STRBP: variants seen among roughly 807,000 people sequenced by gnomAD.
STRBP encodes the protein spermatid perinuclear RNA-binding protein.
A neutral mutation model predicts 80.1 loss-of-function variants in STRBP; 13 were observed. That is an observed-to-expected ratio of 0.16 (90% CI 0.11 to 0.26). The LOEUF (loss-of-function observed/expected upper bound fraction) is 0.26, where lower values mean the gene tolerates loss of function less well. Ranked by LOEUF, STRBP falls within the 10% of genes least tolerant of loss-of-function variation. The probability of loss-of-function intolerance (pLI) is 1.00; values close to 1 mark genes in which losing one functional copy is unlikely to be tolerated. For synonymous variants in STRBP, 284 were observed against 291.2 expected (o/e 0.98, Z 0.25); for missense variants, 485 against 815.2 (o/e 0.59, Z 4.93).
At chr9:123,129,422 G>A (rs894672402) in intron 17 of STRBP, among the ~76,000 whole-genome samples, 1 of 152,068 alleles carries the variant, frequency 6.6e-6, no homozygotes, top group Non-Finnish European at 1.5e-5. Flanking sequence ...AGTAGAACAA[G>A]GGCACAAAAT....
rs185943495 is a variant in STRBP, at chr9:123,190,542, G to A, written c.-164-6244C>T. Among the ~76,000 whole-genome samples the A allele has an allele frequency of 1.2e-4, 18 of 151,494 alleles. No homozygotes were observed. In the East Asian group the frequency reaches 1.7e-3, roughly 15 times the overall value. ...ATAGCTAATATAAAATCCTCACCTA[G>A]TTCCAAATTCCGGCTATTCCTCCTT... is the stretch of plus-strand genomic sequence containing the variant. On this transcript the variant is annotated intron_variant, in intron 2 of 18. Transcript: ENST00000348403.
chr9:123,243,333 T>G (rs988895567), intron 1 of STRBP, among the ~76,000 whole-genome samples: 1 of 151,414 alleles, frequency 6.6e-6, no homozygotes, highest in East Asian at 1.9e-4. Flanking sequence ...AAAACCTAAT[T>G]TGAAATGAAT....
At chr9:123,267,415 GCCCCAATGAACTTCCCCCTTCCA>G (rs1349954488) in intron 1 of STRBP, among the ~76,000 whole-genome samples, 8 of 150,332 alleles carry the variant, frequency 5.3e-5, no homozygotes, top group Non-Finnish European at 8.9e-5. Context: ...CTAAGTCTCT[GCCCCAATGAACTTCCCCCTTCCA>G]CCCCATACTC....
intron 2 of STRBP, among the ~76,000 whole-genome samples, chr9:123,205,837 A>G (rs562908115): frequency 9.9e-5 from 15 of 152,230 alleles, no homozygotes; most frequent in East Asian, 1.9e-4. Context: ...GAACAATTCA[A>G]TATCTTTGGC....
chr9:123,200,786 T>C (rs935427954), intron 2 of STRBP, among the ~76,000 whole-genome samples: 4 of 135,244 alleles, frequency 3.0e-5, no homozygotes, highest in African/African-American at 1.1e-4. Context: ...TTTCACCATG[T>C]TAGCCAGGAT....
intron 1 of STRBP, among the ~76,000 whole-genome samples, chr9:123,259,761 C>G (rs2132651287): frequency 6.6e-6 from 1 of 152,060 alleles, no homozygotes; most frequent in South Asian, 2.1e-4. Context: ...CGAGGCAGTC[C>G]AATATTAAGA....
chr9:123,136,187 A>G lies in STRBP; in HGVS notation c.1633-6T>C, dbSNP rs1182514204. 1 of 1,614,034 alleles carries G rather than the reference A, an allele frequency of 6.2e-7. No individual in the cohort carries two copies. The highest frequency in any genetic ancestry group is 8.5e-7 in the Non-Finnish European group (1 of 1,180,022). ...TTCTGTCCATCTACTTCTACCTACA[A>G]TCAAGAATAACACCTTGCAATTATC... On this transcript the variant is annotated splice_polypyrimidine_tract_variant and splice_region_variant and intron_variant, in intron 15 of 18. Coordinates refer to ENST00000348403, the MANE Select transcript of STRBP (RefSeq NM_018387.5). The surrounding 1 kb of genome is among the most constrained non-coding windows in gnomAD (Gnocchi z 4.2).
chr9:123,133,756 T>A (rs1475038290), intron 16 of STRBP, among the ~76,000 whole-genome samples: 2 of 152,128 alleles, frequency 1.3e-5, no homozygotes, highest in Non-Finnish European at 2.9e-5. Flanking sequence ...ACCAGGCTGG[T>A]CTTGACTCCT....
intron 2 of STRBP, among the ~76,000 whole-genome samples, chr9:123,217,771 A>G (rs1158737427): frequency 8.5e-5 from 13 of 152,226 alleles, no homozygotes; most frequent in Admixed American, 4.6e-4. Context: ...ACTGTCCTTT[A>G]CTGACAATAT....
chr9:123,252,473 G>A (rs1315179125), intron 1 of STRBP, among the ~76,000 whole-genome samples: 1 of 152,220 alleles, frequency 6.6e-6, no homozygotes, highest in Admixed American at 6.5e-5. Context: ...TGGTTTCAGA[G>A]AGAATGAAAT....
intron 1 of STRBP, among the ~76,000 whole-genome samples, chr9:123,266,058 T>C (rs960801636): frequency 3.9e-5 from 6 of 152,142 alleles, no homozygotes; most frequent in African/African-American, 1.4e-4. Context: ...AAGGTATCCC[T>C]TTCTTCCTCT....
rs2039369525 is a variant in STRBP, at chr9:123,202,690, A to T, written c.-164-18392T>A. On this transcript the variant is annotated intron_variant, in intron 2 of 18. Coordinates refer to ENST00000348403, the MANE Select transcript of STRBP (RefSeq NM_018387.5). The stretch of plus-strand genomic sequence containing the variant: ...TTACTGTACATTTAAAAATAGATAA[A>T]AGAGTATAACTGGAATGTCTGTTAC... Among the ~76,000 whole-genome samples the T allele has an allele frequency of 2.6e-5, 4 of 152,300 alleles. No individual in the cohort carries two copies. In the East Asian group the frequency reaches 7.7e-4, roughly 29 times the overall value.
chr9:123,183,437 T>C, intron 3 of STRBP, among the ~76,000 whole-genome samples: 1 of 141,444 alleles, frequency 7.1e-6, no homozygotes, highest in Non-Finnish European at 1.6e-5. Flanking sequence ...ACTCCGTCTT[T>C]AAAAAAAAAA....
At chr9:123,137,491 C>A in intron 14 of STRBP, among the ~76,000 whole-genome samples, 1 of 152,154 alleles carries the variant, frequency 6.6e-6, no homozygotes, top group East Asian at 1.9e-4. Context: ...CTCACTGCAA[C>A]CTCCACCTCC....
intron 1 of STRBP, among the ~76,000 whole-genome samples, chr9:123,248,588 A>C (rs1266803745): frequency 6.6e-6 from 1 of 152,154 alleles, no homozygotes; most frequent in Non-Finnish European, 1.5e-5. Context: ...TTTTTAAGGC[A>C]AATAAAAACC....
intron 2 of STRBP, among the ~76,000 whole-genome samples, chr9:123,206,864 C>A (rs547038397): frequency 1.3e-5 from 2 of 152,278 alleles, no homozygotes; most frequent in Non-Finnish European, 2.9e-5. Flanking sequence ...TCTCGAACTA[C>A]TGACCTCAGG....
At chr9:123,159,254 AG>A (rs755889800) in intron 8 of STRBP, 47 bp from the exon 9 acceptor site, 18 of 1,355,532 alleles carry the variant, frequency 1.3e-5, no homozygotes, top group Non-Finnish European at 1.9e-5. Flanking sequence ...AAGTGTTAAA[AG>A]GATTCCAGTT....
At chr9:123,159,692 A>G (rs2037441500) in intron 8 of STRBP, among the ~76,000 whole-genome samples, 2 of 151,668 alleles carry the variant, frequency 1.3e-5, no homozygotes, top group Admixed American at 1.3e-4. Flanking sequence ...TCCATGTTCA[A>G]TAAACTAAGA....
At chr9:123,221,837 G>C (rs1002755015) in intron 2 of STRBP, among the ~76,000 whole-genome samples, 25 of 152,078 alleles carry the variant, frequency 1.6e-4, no homozygotes, top group Admixed American at 2.6e-4. Context: ...ACTTCATTAA[G>C]GTGGTGAATG....
Sources: allele counts gnomAD v4.1 joint callset (sites outside exome capture counted in the v4.1 genomes callset), GRCh38; gene constraint gnomAD v4.1.1; non-coding constraint Gnocchi (gnomAD v3.1); transcripts MANE v1.5; gene names NCBI Gene and HGNC (gene_info 2026-07-23, HGNC 2026-07-21).